Variants in MALRD1 observed in about 807,000 individuals in gnomAD.
The protein encoded by MALRD1 is MAM and LDL receptor class A domain containing 1.
MALRD1 carries 247 observed loss-of-function variants against 242.1 expected under a neutral mutation model. The observed-to-expected ratio is 1.02, with a 90% confidence interval of 0.92 to 1.13. The LOEUF (loss-of-function observed/expected upper bound fraction) is 1.13. MALRD1 is among the 50% of genes most tolerant of loss of function. MALRD1 has a pLI of 0.00. For synonymous variants in MALRD1, 995 were observed against 866.6 expected (o/e 1.15, Z -2.60); for missense variants, 2,989 against 2,533.1 (o/e 1.18, Z -3.86).
At chr10:19,574,227 C>A (rs929235300) in intron 33 of MALRD1, among the ~76,000 whole-genome samples, 1 of 152,162 alleles carries the variant, frequency 6.6e-6, no homozygotes, top group Admixed American at 6.5e-5. Flanking sequence ...CAGATGTAAT[C>A]TCTTAAGCAT....
At position 19,231,985 on chromosome 10, in the gene MALRD1, A is replaced by G. The variant is rs543406581; in HGVS notation, c.2991+22305A>G. On this transcript the variant is annotated intron_variant, in intron 18 of 39. Transcript: ENST00000454679. ...ACTTATCTTTTAATAATCTTTCCAA[A>G]TCTCTAAAAGGAGAATTCTGCTCTT... Among the ~76,000 whole-genome samples the G allele has an allele frequency of 5.6e-4, 85 of 152,194 alleles. No individual in the cohort carries two copies. In the South Asian group the frequency reaches 6.4e-3, roughly 12 times the overall value.
intron 38 of MALRD1, 57 bp downstream of exon 38, chr10:19,692,611 A>C: frequency 7.4e-7 from 1 of 1,356,970 alleles, no homozygotes; most frequent in Non-Finnish European, 1.0e-6. Context: ...AATTTTCTTC[A>C]ACATTTCCTT....
At chr10:19,427,059 G>A (rs1026270444) in intron 28 of MALRD1, among the ~76,000 whole-genome samples, 1 of 152,054 alleles carries the variant, frequency 6.6e-6, no homozygotes, top group African/African-American at 2.4e-5. Context: ...ATTTTTACAT[G>A]AATTTTCTCT....
intron 29 of MALRD1, among the ~76,000 whole-genome samples, chr10:19,451,720 A>G (rs1835339233): frequency 6.6e-6 from 1 of 152,176 alleles, no homozygotes; most frequent in Non-Finnish European, 1.5e-5. Flanking sequence ...GTGTTACAGC[A>G]TCTGCTCTTT....
chr10:19,281,917 C>A (rs187500360), intron 20 of MALRD1, among the ~76,000 whole-genome samples: 1 of 139,608 alleles, frequency 7.2e-6, no homozygotes, highest in Non-Finnish European at 1.5e-5. Context: ...GAGCCGAGAT[C>A]GTGCCAATGC....
Position 19,665,145 on chromosome 10 carries a change from A to G in MALRD1, c.6138-27137A>G, listed in dbSNP as rs116521524. 4.5e-3 allele frequency among the ~76,000 whole-genome samples: 681 copies of G among 152,284 alleles called. 6 individuals carry two copies. Among genetic ancestry groups the G allele is most frequent in the African/African-American group, 0.015 (622 of 41,562 alleles). ...AGTTTATTAACGCATGTATACATGT[A>G]GGAGAGCTCCGTGATGAGTAACTCA... On this transcript the variant is annotated intron_variant, in intron 36 of 39. Transcript: ENST00000454679.
At position 19,729,197 on chromosome 10, in the gene MALRD1, C is replaced by T. The variant is rs183665310; in HGVS notation, c.6315-1509C>T. Among the ~76,000 whole-genome samples, 5 of 152,314 alleles carry T rather than the reference C, an allele frequency of 3.3e-5. No homozygotes were observed. In the East Asian group the frequency reaches 7.7e-4, roughly 24 times the overall value. On this transcript the variant is annotated intron_variant, in intron 38 of 39. Coordinates refer to ENST00000454679, the MANE Select transcript of MALRD1 (RefSeq NM_001142308.3). ...TAATTAGCTAGATTAGACTGTTAGG[C>T]TCACTGATGCTGCAGTTTCTTTGAA...
At chr10:19,233,235 C>CTCA (rs2131703441) in intron 18 of MALRD1, among the ~76,000 whole-genome samples, 1 of 152,260 alleles carries the variant, frequency 6.6e-6, no homozygotes, top group South Asian at 2.1e-4. Context: ...GGCGCGGTGG[C>CTCA]TCACGCCTGT....
At chr10:19,577,202 G>A (rs572885120) in intron 33 of MALRD1, among the ~76,000 whole-genome samples, 1 of 152,168 alleles carries the variant, frequency 6.6e-6, no homozygotes, top group African/African-American at 2.4e-5. Flanking sequence ...AGTGATAAAT[G>A]TATAAAAGCC....
chr10:19,572,137 C>T (rs1375323825), intron 33 of MALRD1, among the ~76,000 whole-genome samples: 3 of 152,198 alleles, frequency 2.0e-5, no homozygotes, highest in Non-Finnish European at 4.4e-5. Context: ...CGCATTATTA[C>T]TTCTCTGTCC....
intron 34 of MALRD1, among the ~76,000 whole-genome samples, chr10:19,596,955 C>A (rs1472006173): frequency 6.6e-6 from 1 of 151,730 alleles, no homozygotes; most frequent in East Asian, 1.9e-4. Flanking sequence ...TAATATGGGA[C>A]CTCTAGAAAT....
intron 10 of MALRD1, among the ~76,000 whole-genome samples, chr10:19,144,801 T>G (rs955875940): frequency 6.6e-6 from 1 of 150,898 alleles, no homozygotes; most frequent in African/African-American, 2.4e-5. Flanking sequence ...ATTTTCTCTT[T>G]TAGGAAATGG....
chr10:19,233,432 G>A (rs1206646949), intron 18 of MALRD1, among the ~76,000 whole-genome samples: 1 of 152,132 alleles, frequency 6.6e-6, no homozygotes, highest in African/African-American at 2.4e-5. Flanking sequence ...AACCTGGGAG[G>A]TGGGGGTTAC....
rs1424038348 is a variant in MALRD1, at chr10:19,133,900, A to G, written c.1155A>G (p.Gln385=). The G allele has an allele frequency of 4.1e-6, 5 of 1,231,096 alleles. No homozygotes were observed. The highest frequency in any genetic ancestry group is 6.3e-5 in the East Asian group (2 of 31,652). 76.3% of individuals were successfully genotyped at this position (1,231,096 alleles called of 1,614,324 possible). The change falls in exon 9 of 40, where the codon CAA becomes CAG. Residue 385 remains glutamine (Q), a synonymous_variant. Transcript: ENST00000454679. ...FWTYNISTHS[Q]WVKADVLIPE... is the part of the protein sequence containing the mutation. ...CATACAACATATCAACTCACAGCCAATGGGTGAAAGCAGATGTGTTAATAC... is the reference window on the plus strand; with the variant it reads ...CATACAACATATCAACTCACAGCCAGTGGGTGAAAGCAGATGTGTTAATAC...
chr10:19,257,338 A>C (rs559626624), intron 18 of MALRD1, among the ~76,000 whole-genome samples: 9 of 152,276 alleles, frequency 5.9e-5, no homozygotes, highest in Non-Finnish European at 1.2e-4. Context: ...TTTGCCTTCA[A>C]ATACTTAAAG....
intron 36 of MALRD1, among the ~76,000 whole-genome samples, chr10:19,621,466 A>T (rs1285825493): frequency 6.6e-6 from 1 of 151,582 alleles, no homozygotes; most frequent in East Asian, 1.9e-4. Context: ...AGATTAAATT[A>T]TCATTTTCAA....
chr10:19,540,750 G>A (rs7901624), intron 32 of MALRD1, among the ~76,000 whole-genome samples: 111,953 of 152,034 alleles, frequency 0.74, 41,609 homozygotes, highest in Admixed American at 0.79. Flanking sequence ...AAACCTTGAC[G>A]TTTCAATAGC....
At chr10:19,591,939 A>G (rs1236412985) in intron 33 of MALRD1, among the ~76,000 whole-genome samples, 2 of 152,234 alleles carry the variant, frequency 1.3e-5, no homozygotes, top group Non-Finnish European at 2.9e-5. Flanking sequence ...ATAGTAGAAT[A>G]CAGAATTTTC....
At chr10:19,170,611 C>A (rs1834880325) in intron 13 of MALRD1, among the ~76,000 whole-genome samples, 1 of 152,098 alleles carries the variant, frequency 6.6e-6, no homozygotes, top group African/African-American at 2.4e-5. Context: ...GGGTCCTTGG[C>A]CTGCTTAATC....
Sources: gnomAD v4.1 joint callset for allele counts (sites outside exome capture counted in the v4.1 genomes callset) on GRCh38, gnomAD v4.1.1 for gene constraint, MANE v1.5 for transcripts, NCBI Gene and HGNC (gene_info 2026-07-23, HGNC 2026-07-21) for gene names.